Variants in PCNX2 observed in about 807,000 individuals in gnomAD.
PCNX2 encodes pecanex 2.
A neutral mutation model predicts 223.8 loss-of-function variants in PCNX2; 168 were observed. The observed-to-expected ratio is 0.75, with a 90% confidence interval of 0.66 to 0.85. The LOEUF is 0.85. Among genes scored for constraint, PCNX2 ranks in the 40% least tolerant of loss-of-function variants. The pLI is 0.00. For synonymous variants in PCNX2, 1,006 were observed against 1,052.6 expected, an observed-to-expected ratio of 0.96 and a Z score of 0.86; for missense variants, 2,507 against 2,675.5, an observed-to-expected ratio of 0.94 and a Z score of 1.39.
intron 10 of PCNX2, among the ~76,000 whole-genome samples, chr1:233,225,110 T>TAAAAAAAA (rs71173259): frequency 2.4e-5 from 1 of 42,214 alleles, no homozygotes; most frequent in Non-Finnish European, 4.4e-5. Context: ...AGAACTAAAG[T>TAAAAAAAA]AAAAAAAAAA....
chr1:233,303,645 A>AT, the PCNX2 span, among the ~76,000 whole-genome samples: 198 of 83,962 alleles, frequency 2.4e-3, 1 homozygote, highest in African/African-American at 6.0e-3. Context: ...ATCTCCAGGA[A>AT]TTTTTTTTTA....
chr1:233,187,127 G>A (rs144012601), intron 15 of PCNX2, among the ~76,000 whole-genome samples: 16 of 152,334 alleles, frequency 1.1e-4, no homozygotes, highest in African/African-American at 3.1e-4. Flanking sequence ...CAGCTCCCAT[G>A]CATTCGGCAG....
intron 17 of PCNX2, among the ~76,000 whole-genome samples, chr1:233,171,527 A>C (rs190414887): frequency 2.0e-5 from 3 of 152,284 alleles, no homozygotes; most frequent in East Asian, 3.9e-4. Context: ...TCTGGCTTCC[A>C]TGAGGGCTCT....
rs141541843 is a variant in PCNX2 at position 232,997,041 on chromosome 1, G to C, written c.5791+1210C>G. 2.3e-3 allele frequency among the ~76,000 whole-genome samples: 344 copies of C among 152,314 alleles called. 1 individual carries two copies. Among genetic ancestry groups the C allele is most frequent in the African/African-American group, 7.7e-3 (320 of 41,568 alleles). ...AAATGTGGATTCAGTGAAGGTTGAT[G>C]AAAGCCTCAAAGGCTGGTCACAGTG... On this transcript the variant is annotated intron_variant, in intron 32 of 33. Coordinates refer to ENST00000258229, the MANE Select transcript of PCNX2 (RefSeq NM_014801.4).
In PCNX2 at chr1:233,076,056, T is replaced by C. The variant is rs539827137; in HGVS notation, c.4076+14005A>G. On this transcript the variant is annotated intron_variant, in intron 23 of 33. Transcript: ENST00000258229. ...GGCAAAAAGTCAGCCAACTGGGAAA[T>C]TGAATAAATGAAGAGGCAGACAGTT... Among the ~76,000 whole-genome samples the C allele has an allele frequency of 3.3e-5, 5 of 152,246 alleles. No individual in the cohort carries two copies. In the South Asian group the frequency reaches 8.3e-4, roughly 25 times the overall value.
chr1:233,257,599 G>A (rs529324961), intron 5 of PCNX2, among the ~76,000 whole-genome samples: 6 of 152,240 alleles, frequency 3.9e-5, no homozygotes, highest in South Asian at 4.2e-4. Context: ...GATAATTAGC[G>A]GATTCTGTAT....
chr1:233,040,890 T>C (rs936065138), intron 25 of PCNX2, among the ~76,000 whole-genome samples: 2 of 152,184 alleles, frequency 1.3e-5, no homozygotes, highest in African/African-American at 4.8e-5. Flanking sequence ...CCTCTAAAGA[T>C]ATCAGTTTGA....
intron 17 of PCNX2, among the ~76,000 whole-genome samples, chr1:233,161,866 A>G (rs995922924): frequency 1.3e-5 from 2 of 151,792 alleles, no homozygotes; most frequent in African/African-American, 2.4e-5. Flanking sequence ...AACCTCTTAT[A>G]CGTTTCTTAT....
At chr1:233,079,788 T>C (rs1476867092) in intron 23 of PCNX2, among the ~76,000 whole-genome samples, 1 of 152,170 alleles carries the variant, frequency 6.6e-6, no homozygotes, top group East Asian at 1.9e-4. Context: ...CTCAGGACAG[T>C]TCTTGCTTTG....
chr1:233,268,880 C>G (rs966779749), intron 1 of PCNX2, among the ~76,000 whole-genome samples: 4 of 152,138 alleles, frequency 2.6e-5, no homozygotes, highest in East Asian at 1.9e-4. Flanking sequence ...CATGCCCTCC[C>G]CTTCTTCTCT....
chr1:233,277,155 G>A (rs2103015846), intron 1 of PCNX2, among the ~76,000 whole-genome samples: 1 of 152,260 alleles, frequency 6.6e-6, no homozygotes, highest in South Asian at 2.1e-4. Flanking sequence ...GGGTGGGAGG[G>A]CAGAAAAGAA....
chr1:233,130,917 C>G (rs1676467073), intron 21 of PCNX2, among the ~76,000 whole-genome samples: 2 of 152,088 alleles, frequency 1.3e-5, no homozygotes, highest in South Asian at 4.2e-4. Flanking sequence ...GGGCCTGGGC[C>G]CTCTGGAAGC....
chr1:233,313,063 T>C, the PCNX2 span, among the ~76,000 whole-genome samples: 1 of 152,186 alleles, frequency 6.6e-6, no homozygotes, highest in Non-Finnish European at 1.5e-5. Context: ...AAATTACACA[T>C]CACAACACGG....
intron 17 of PCNX2, chr1:233,167,804 G>C (rs1012959590): frequency 2.0e-6 from 2 of 982,122 alleles, no homozygotes; most frequent in Non-Finnish European, 2.4e-6. Flanking sequence ...GCTCTAAAAA[G>C]TTTGTAACTT....
rs1558373333 is a variant in PCNX2 at position 233,233,423 on chromosome 1, C to CGTGT, written c.2358+3421_2358+3422insACAC. On this transcript the variant is annotated intron_variant, in intron 9 of 33. Coordinates refer to ENST00000258229, the MANE Select transcript of PCNX2 (RefSeq NM_014801.4). Reference sequence around the variant, plus strand: ...ACAATGAAAAATAACCTCCTCTTCTCCTGTGTGTGTGTGTGTGTGTGTGTG... The same window carrying CGTGT: ...ACAATGAAAAATAACCTCCTCTTCTCGTGTCTGTGTGTGTGTGTGTGTGTGTGTG... Among the ~76,000 whole-genome samples, 28 of 115,584 alleles carry CGTGT rather than the reference C, an allele frequency of 2.4e-4. 1 individual carries two copies. The highest frequency in any genetic ancestry group is 9.5e-4 in the African/African-American group (27 of 28,282). The allele number at this position is 115,584 out of a possible 152,430, so 75.8% of individuals were successfully genotyped here. A position where few individuals can be genotyped will look rare whatever the true frequency, so the allele number is the denominator to read the frequency against.
intron 25 of PCNX2, among the ~76,000 whole-genome samples, chr1:233,031,081 C>T (rs749688104): frequency 4.6e-5 from 7 of 152,216 alleles, no homozygotes; most frequent in Non-Finnish European, 7.3e-5. Context: ...AGTAATGAAG[C>T]TCATTTTGTG....
intron 1 of PCNX2, among the ~76,000 whole-genome samples, chr1:233,264,615 A>G (rs1241766320): frequency 1.3e-5 from 2 of 152,204 alleles, no homozygotes; most frequent in Non-Finnish European, 2.9e-5. Flanking sequence ...TGGGGGGAAA[A>G]GTCCACAAAT....
intron 19 of PCNX2, among the ~76,000 whole-genome samples, chr1:233,155,441 G>A (rs1482480361): frequency 2.0e-5 from 3 of 152,186 alleles, no homozygotes; most frequent in African/African-American, 7.2e-5. Context: ...TTGGCATCTT[G>A]TAGGAACTCA....
Position 233,139,914 on chromosome 1 carries a change from T to A in PCNX2, c.3518-59A>T. On this transcript the variant is annotated intron_variant, in intron 19 of 33. Transcript: ENST00000258229. The surrounding 1 kb of genome is among the most constrained non-coding windows in gnomAD (Gnocchi z 4.4). ...ACCGATCAAAGTATTTTTCTTTAAG[T>A]ACAGGTAATAATAAGTAATATTCCC... The A allele has an allele frequency of 6.4e-7, 1 of 1,564,924 alleles. No homozygotes were observed. The highest frequency in any genetic ancestry group is 1.2e-5 in the South Asian group (1 of 84,630).
Sources: allele counts gnomAD v4.1 joint callset (sites outside exome capture counted in the v4.1 genomes callset), GRCh38; gene constraint gnomAD v4.1.1; non-coding constraint Gnocchi (gnomAD v3.1); transcripts MANE v1.5; gene names NCBI Gene and HGNC (gene_info 2026-07-23, HGNC 2026-07-21).